ARIH1: variants seen among roughly 807,000 people sequenced by gnomAD.
ARIH1 encodes E3 ubiquitin-protein ligase ARIH1.
ARIH1 carries 8 observed loss-of-function variants against 85.0 expected under a neutral mutation model. That is an observed-to-expected ratio of 0.09 (90% CI 0.06 to 0.17). ARIH1 has a LOEUF of 0.17. ARIH1 is among the 10% of genes least tolerant of loss of function. The pLI, the probability that ARIH1 is intolerant of heterozygous loss-of-function variation, is 1.00. For missense variants in ARIH1, 311 were observed against 718.1 expected (o/e 0.43, Z 6.48); for synonymous variants, 238 against 253.6 (o/e 0.94, Z 0.59).
At chr15:72,549,657 T>C (rs1278743848) in intron 3 of ARIH1, among the ~76,000 whole-genome samples, 1 of 152,166 alleles carries the variant, frequency 6.6e-6, no homozygotes, top group Non-Finnish European at 1.5e-5. Context: ...GGGGTTTCAA[T>C]TTTAGAGGTT....
At chr15:72,572,043 ATTT>A in intron 10 of ARIH1, 62 bp from the exon 11 acceptor site, 4 of 916,728 alleles carry the variant, frequency 4.4e-6, no homozygotes, top group African/African-American at 1.7e-5. Flanking sequence ...TAAAATTCTG[ATTT>A]TTTTTTTTTC....
chr15:72,541,125 G>A (rs532225871), intron 2 of ARIH1, among the ~76,000 whole-genome samples: 1 of 152,318 alleles, frequency 6.6e-6, no homozygotes, highest in Admixed American at 6.5e-5. Context: ...CAGGTGGTGA[G>A]GATGTGGGGG....
At chr15:72,522,552 G>GT (rs1409860306) in intron 2 of ARIH1, among the ~76,000 whole-genome samples, 1 of 150,964 alleles carries the variant, frequency 6.6e-6, no homozygotes, top group East Asian at 1.9e-4. Context: ...AGAGAATGAG[G>GT]TAAAAAAAAG....
chr15:72,492,226 A>G (rs1226928004), intron 1 of ARIH1, among the ~76,000 whole-genome samples: 1 of 152,210 alleles, frequency 6.6e-6, no homozygotes, highest in Non-Finnish European at 1.5e-5. Context: ...ATACATATAT[A>G]TTATATAAAA....
At position 72,474,455 on chromosome 15, in the gene ARIH1, G is replaced by T. The variant is rs929886722; in HGVS notation, c.-185G>T. The stretch of plus-strand genomic sequence containing the variant: ...CTCGCTCCCTCCCTCCCTCCTCCGC[G>T]CCCTCCCCGCCGCCACCAGCCGTCA... On this transcript the variant is annotated 5_prime_UTR_variant, in exon 1 of 14. Transcript: ENST00000379887. The T allele has an allele frequency of 6.8e-6, 5 of 733,212 alleles. No homozygotes were observed. Among genetic ancestry groups the T allele is most frequent in the South Asian group, 1.8e-5 (1 of 54,996 alleles). The allele number at this position is 733,212 out of a possible 1,614,324, so 45.4% of individuals were successfully genotyped here.
intron 2 of ARIH1, among the ~76,000 whole-genome samples, chr15:72,528,939 G>T (rs1335825963): frequency 6.6e-6 from 1 of 152,172 alleles, no homozygotes; most frequent in Non-Finnish European, 1.5e-5. Flanking sequence ...GGTGGCTCAT[G>T]CCTGTAATCC....
chr15:72,512,251 C>T (rs1209548430), intron 1 of ARIH1, among the ~76,000 whole-genome samples: 1 of 151,742 alleles, frequency 6.6e-6, no homozygotes, highest in Non-Finnish European at 1.5e-5. Context: ...TAGAATTTTC[C>T]AGTGACACCA....
chr15:72,542,657 G>A (rs1167356310), intron 2 of ARIH1, among the ~76,000 whole-genome samples: 3 of 152,102 alleles, frequency 2.0e-5, no homozygotes, highest in African/African-American at 7.2e-5. Context: ...AAAAAAGCAG[G>A]TTATAAATCT....
rs573371718 is a variant in ARIH1 at position 72,528,797 on chromosome 15, A to G, written c.443+10663A>G. On this transcript the variant is annotated intron_variant, in intron 2 of 13. Transcript: ENST00000379887. ...TGGAGCCCAGGAGGGTGGAGCTGTG[A>G]TCTGTGATCATGTCACTGTACTCTA... 1.1e-4 allele frequency among the ~76,000 whole-genome samples: 16 copies of G among 151,890 alleles called. No homozygotes were observed. The East Asian group carries it at 2.9e-3, about 28-fold the overall frequency.
chr15:72,489,467 A>G lies in ARIH1; in HGVS notation c.375+14453A>G, dbSNP rs552539235. Among the ~76,000 whole-genome samples, 14 of 152,320 alleles carry G rather than the reference A, an allele frequency of 9.2e-5. No individual in the cohort carries two copies. In the South Asian group the frequency reaches 2.7e-3, roughly 29 times the overall value. On this transcript the variant is annotated intron_variant, in intron 1 of 13. Coordinates refer to ENST00000379887, the MANE Select transcript of ARIH1 (RefSeq NM_005744.5). Reference sequence around the variant, plus strand: ...GTGGCACCAAAGTATGCTAGTAGTCATTGTGTTCTTCACTATCACACACTC... The same window carrying G: ...GTGGCACCAAAGTATGCTAGTAGTCGTTGTGTTCTTCACTATCACACACTC...
Position 72,592,901 on chromosome 15 carries a change from G to A in ARIH1, c.*9609G>A, listed in dbSNP as rs2064348656. 1 of 151,970 alleles carries A rather than the reference G, an allele frequency of 6.6e-6. No individual in the cohort carries two copies. Among genetic ancestry groups the A allele is most frequent in the Non-Finnish European group, 1.5e-5 (1 of 67,962 alleles). The allele number at this position is 151,970 out of a possible 1,614,324, so 9.4% of individuals were successfully genotyped here. A position where few individuals can be genotyped will look rare whatever the true frequency, so the allele number is the denominator to read the frequency against. On this transcript the variant is annotated 3_prime_UTR_variant, in exon 14 of 14. Coordinates refer to ENST00000379887, the MANE Select transcript of ARIH1 (RefSeq NM_005744.5). ...ACACAGCCTTTTGTTTTTGTTTTTT[G>A]TGGATATACATCTTCACTTGTCTTG...
chr15:72,554,210 T>C (rs561547247), intron 3 of ARIH1, among the ~76,000 whole-genome samples: 1 of 152,336 alleles, frequency 6.6e-6, no homozygotes, highest in Non-Finnish European at 1.5e-5. Flanking sequence ...GATGTATGTT[T>C]TCATTTCTTT....
intron 1 of ARIH1, among the ~76,000 whole-genome samples, chr15:72,517,351 C>T (rs891614352): frequency 1.3e-5 from 2 of 152,174 alleles, no homozygotes; most frequent in Admixed American, 1.3e-4. Flanking sequence ...ATCCTCCTGC[C>T]TCAACCTCCT....
At chr15:72,555,658 TAGTC>T (rs148731766) in intron 4 of ARIH1, among the ~76,000 whole-genome samples, 190 bp from the exon 5 acceptor site, 167 of 152,340 alleles carry the variant, frequency 1.1e-3, no homozygotes, top group African/African-American at 3.7e-3. Flanking sequence ...AAAAACCAAT[TAGTC>T]AGGTTAGCAA....
At chr15:72,489,646 G>C (rs149346892) in intron 1 of ARIH1, among the ~76,000 whole-genome samples, 1 of 152,184 alleles carries the variant, frequency 6.6e-6, no homozygotes, top group South Asian at 2.1e-4. Flanking sequence ...TATGGTGGTC[G>C]TCCCAAAATG....
chr15:72,525,091 A>G (rs984765207), intron 2 of ARIH1, among the ~76,000 whole-genome samples: 1 of 152,066 alleles, frequency 6.6e-6, no homozygotes, highest in Non-Finnish European at 1.5e-5. Context: ...GGGTTTCATC[A>G]TGTTGGCCAG....
chr15:72,475,453 AG>A (rs2140387298), intron 1 of ARIH1, among the ~76,000 whole-genome samples: 1 of 152,338 alleles, frequency 6.6e-6, no homozygotes, highest in African/African-American at 2.4e-5. Flanking sequence ...GGATTAGAGT[AG>A]GCCTAAGAGC....
At chr15:72,492,860 A>G (rs1172258308) in intron 1 of ARIH1, among the ~76,000 whole-genome samples, 1 of 152,212 alleles carries the variant, frequency 6.6e-6, no homozygotes, top group Non-Finnish European at 1.5e-5. Flanking sequence ...ACCCTTAGGA[A>G]TGAAAGTATA....
Position 72,601,170 on chromosome 15 carries a change from C to G in ARIH1, c.*17878C>G, listed in dbSNP as rs1775583278. 1 of 152,188 alleles carries G rather than the reference C, an allele frequency of 6.6e-6. No homozygotes were observed. Among genetic ancestry groups the G allele is most frequent in the African/African-American group, 2.4e-5 (1 of 41,436 alleles). 9.4% of individuals were successfully genotyped at this position (152,188 alleles called of 1,614,324 possible). ...TTTCTCCATCTCCTTTGCCATCACACTAGTCCAAGTGAAGTGTTTCATCAT... is the reference window on the plus strand; with the variant it reads ...TTTCTCCATCTCCTTTGCCATCACAGTAGTCCAAGTGAAGTGTTTCATCAT... On this transcript the variant is annotated 3_prime_UTR_variant, in exon 14 of 14. Transcript: ENST00000379887.
Sources: gnomAD v4.1 joint callset for allele counts (sites outside exome capture counted in the v4.1 genomes callset) on GRCh38, gnomAD v4.1.1 for gene constraint, MANE v1.5 for transcripts, NCBI Gene and HGNC (gene_info 2026-07-23, HGNC 2026-07-21) for gene names.